Variants in PLPP1 observed in about 807,000 individuals in gnomAD.
PLPP1 encodes phospholipid phosphatase 1.
A neutral mutation model predicts 31.2 loss-of-function variants in PLPP1; 24 were observed. The ratio of observed to expected loss-of-function variants is 0.77; its 90% confidence interval spans 0.56 to 1.08. The LOEUF is 1.08. Among genes scored for constraint, PLPP1 ranks in the 50% least tolerant of loss-of-function variants. The probability of loss-of-function intolerance (pLI) is 0.00; values close to 1 mark genes in which losing one functional copy is unlikely to be tolerated. For synonymous variants in PLPP1, 146 were observed against 126.3 expected (o/e 1.16, Z -1.05); for missense variants, 319 against 342.7 (o/e 0.93, Z 0.55).
chr5:55,449,879 G>A (rs1751856103), intron 3 of PLPP1, among the ~76,000 whole-genome samples: 1 of 151,810 alleles, frequency 6.6e-6, no homozygotes, highest in Non-Finnish European at 1.5e-5. Flanking sequence ...AAGAAACACA[G>A]GGTACCTCTC....
chr5:55,526,448 TAAAG>T (rs1405921822), intron 1 of PLPP1, among the ~76,000 whole-genome samples: 3 of 152,238 alleles, frequency 2.0e-5, no homozygotes, highest in Middle Eastern at 3.4e-3. Flanking sequence ...ACTACCCATT[TAAAG>T]AAAGAAAAAG....
chr5:55,472,707 AGAG>A (rs1752444098), intron 2 of PLPP1, among the ~76,000 whole-genome samples: 1 of 151,876 alleles, frequency 6.6e-6, no homozygotes, highest in South Asian at 2.1e-4. Context: ...AGAGAGAAAA[AGAG>A]AAAGAGAGAG....
chr5:55,439,393 A>G (rs1579923401), intron 4 of PLPP1, among the ~76,000 whole-genome samples: 1 of 152,028 alleles, frequency 6.6e-6, no homozygotes, highest in Non-Finnish European at 1.5e-5. Flanking sequence ...TTCTGTACTC[A>G]CTTTCCTTTT....
chr5:55,471,713 A>AT (rs1752419177), intron 2 of PLPP1, among the ~76,000 whole-genome samples: 1 of 152,294 alleles, frequency 6.6e-6, no homozygotes, highest in Admixed American at 6.5e-5. Flanking sequence ...AATCACAGGG[A>AT]TTTTTTTAAA....
chr5:55,497,104 T>C (rs1245317188), intron 1 of PLPP1, among the ~76,000 whole-genome samples: 1 of 152,218 alleles, frequency 6.6e-6, no homozygotes, highest in Middle Eastern at 3.2e-3. Context: ...AAATGAATAT[T>C]ATGCTACACA....
At chr5:55,426,927 C>T (rs1751213242) in intron 4 of PLPP1, among the ~76,000 whole-genome samples, 1 of 152,040 alleles carries the variant, frequency 6.6e-6, no homozygotes, top group African/African-American at 2.4e-5. Flanking sequence ...TGTATTCTTT[C>T]AACAGTACTT....
At position 55,482,426 on chromosome 5, in the gene PLPP1, T is replaced by C. The variant is rs151127305; in HGVS notation, c.59-6976A>G. ...ATTCTATTTAACATTTTGTAGTTTTTCATAAAATTTTCTACCTCAAGTTAT... is the reference window on the plus strand; with the variant it reads ...ATTCTATTTAACATTTTGTAGTTTTCCATAAAATTTTCTACCTCAAGTTAT... On this transcript the variant is annotated intron_variant, in intron 1 of 5. Coordinates refer to ENST00000307259, the MANE Select transcript of PLPP1 (RefSeq NM_003711.4). Among the ~76,000 whole-genome samples, 202 of 152,340 alleles carry C rather than the reference T, an allele frequency of 1.3e-3. 2 individuals carry two copies. In the Middle Eastern group the frequency reaches 0.024, roughly 18 times the overall value.
chr5:55,489,711 C>T (rs1216484982), intron 1 of PLPP1, among the ~76,000 whole-genome samples: 2 of 152,108 alleles, frequency 1.3e-5, no homozygotes, highest in Non-Finnish European at 2.9e-5. Flanking sequence ...GGTTATTATT[C>T]TTAGCCAATT....
intron 1 of PLPP1, among the ~76,000 whole-genome samples, chr5:55,477,772 T>C (rs190091731): frequency 6.3e-4 from 96 of 152,258 alleles, no homozygotes; most frequent in African/African-American, 2.1e-3. Flanking sequence ...TCTGAATTGG[T>C]TGCATTTTCC....
rs1242912383 is a variant in PLPP1, at chr5:55,467,150, T to TA, written c.491+718dup. On this transcript the variant is annotated intron_variant, in intron 3 of 5. Coordinates refer to ENST00000307259, the MANE Select transcript of PLPP1 (RefSeq NM_003711.4). Reference sequence around the variant, plus strand: ...TCACAACCTGAACCAAGTTACCTTATAAAAAAAAATCTAAACAATAATAAT... The same window carrying TA: ...TCACAACCTGAACCAAGTTACCTTATAAAAAAAAAATCTAAACAATAATAAT... Among the ~76,000 whole-genome samples the TA allele has an allele frequency of 4.6e-5, 7 of 151,656 alleles. No homozygotes were observed. In the South Asian group the frequency reaches 6.3e-4, roughly 14 times the overall value.
intron 3 of PLPP1, among the ~76,000 whole-genome samples, chr5:55,455,005 C>T (rs1751974099): frequency 6.6e-6 from 1 of 152,158 alleles, no homozygotes; most frequent in Non-Finnish European, 1.5e-5. Context: ...CAAACTTCAG[C>T]TTTATTTTAT....
intron 3 of PLPP1, among the ~76,000 whole-genome samples, chr5:55,450,083 A>G (rs1751860397): frequency 6.6e-6 from 1 of 152,170 alleles, no homozygotes; most frequent in Admixed American, 6.5e-5. Flanking sequence ...TTTTACAATT[A>G]TTTTAATACA....
intron 3 of PLPP1, among the ~76,000 whole-genome samples, chr5:55,462,957 A>G (rs988160583): frequency 1.3e-5 from 2 of 151,742 alleles, no homozygotes; most frequent in African/African-American, 4.9e-5. Flanking sequence ...TGGGGGATAC[A>G]GCGAGACTCC....
intron 3 of PLPP1, among the ~76,000 whole-genome samples, chr5:55,456,315 C>G (rs184456027): frequency 5.8e-4 from 88 of 151,968 alleles, no homozygotes; most frequent in African/African-American, 2.0e-3. Context: ...GAGAGAATGG[C>G]GGGGAGAAAA....
intron 1 of PLPP1, among the ~76,000 whole-genome samples, chr5:55,493,915 A>G (rs1399679591): frequency 6.6e-6 from 1 of 151,712 alleles, no homozygotes; most frequent in East Asian, 1.9e-4. Context: ...TCATAGTGGC[A>G]CACACCTATA....
At chr5:55,477,989 A>AAAAAG (rs1554039558) in intron 1 of PLPP1, among the ~76,000 whole-genome samples, 1 of 151,688 alleles carries the variant, frequency 6.6e-6, no homozygotes, top group African/African-American at 2.4e-5. Context: ...TAAAAAAAAA[A>AAAAAG]AAAGAAAGAA....
intron 3 of PLPP1, among the ~76,000 whole-genome samples, chr5:55,458,983 A>G (rs1752091009): frequency 6.6e-6 from 1 of 151,428 alleles, no homozygotes; most frequent in Non-Finnish European, 1.5e-5. Context: ...ATCAAAGGGC[A>G]AAGATTTTTC....
At chr5:55,523,576 G>A (rs1252880145) in intron 1 of PLPP1, among the ~76,000 whole-genome samples, 1 of 152,176 alleles carries the variant, frequency 6.6e-6, no homozygotes, top group Non-Finnish European at 1.5e-5. Flanking sequence ...TCGAGAGACT[G>A]CACTGGCTGT....
intron 1 of PLPP1, among the ~76,000 whole-genome samples, chr5:55,521,648 G>T (rs1391415107): frequency 6.6e-6 from 1 of 152,112 alleles, no homozygotes; most frequent in African/African-American, 2.4e-5. Context: ...GTGCTAACAG[G>T]CACTCAATAA....
Sources: gnomAD v4.1 joint callset for allele counts (sites outside exome capture counted in the v4.1 genomes callset) on GRCh38, gnomAD v4.1.1 for gene constraint, MANE v1.5 for transcripts, NCBI Gene and HGNC (gene_info 2026-07-23, HGNC 2026-07-21) for gene names.